CEP112: variants seen among roughly 807,000 people sequenced by gnomAD.
CEP112 encodes centrosomal protein 112, also known as centrosomal protein of 112 kDa.
A neutral mutation model predicts 153.0 loss-of-function variants in CEP112; 127 were observed. That is an observed-to-expected ratio of 0.83 (90% CI 0.72 to 0.96). The LOEUF (loss-of-function observed/expected upper bound fraction) is 0.96, where lower values mean the gene tolerates loss of function less well. Ranked by LOEUF, CEP112 falls within the 40% of genes least tolerant of loss-of-function variation. The pLI is 0.00. For synonymous variants in CEP112, 358 were observed against 374.4 expected (o/e 0.96, Z 0.51); for missense variants, 1,089 against 1,101.2 (o/e 0.99, Z 0.16).
chr17:65,843,668 G>T (rs1182635164), intron 21 of CEP112, among the ~76,000 whole-genome samples: 1 of 152,100 alleles, frequency 6.6e-6, no homozygotes, highest in Non-Finnish European at 1.5e-5. Flanking sequence ...GCCTTTTCAT[G>T]ATTTCAGGCT....
chr17:65,903,868 G>T (rs1381067755), intron 19 of CEP112, among the ~76,000 whole-genome samples: 1 of 152,042 alleles, frequency 6.6e-6, no homozygotes, highest in East Asian at 1.9e-4. Context: ...AAAAACACAT[G>T]ATTAACTCAA....
Position 65,991,384 on chromosome 17 carries a change from C to T in CEP112, c.1736+14306G>A, listed in dbSNP as rs74891490. On this transcript the variant is annotated intron_variant, in intron 17 of 26. Transcript: ENST00000535342. ...TCTGACATATTTTGGTTGAATGATA[C>T]GTTATAAATTGCATGTGTTCCTAAT... Among the ~76,000 whole-genome samples, 620 of 151,942 alleles carry T rather than the reference C, an allele frequency of 4.1e-3. 7 individuals carry two copies. Among genetic ancestry groups the T allele is most frequent in the East Asian group, 0.03 (155 of 5,180 alleles).
At chr17:65,655,325 C>T (rs879177750) in intron 24 of CEP112, 36 of 1,558,896 alleles carry the variant, frequency 2.3e-5, no homozygotes, top group South Asian at 7.8e-5. Context: ...CTGGATTTCT[C>T]GATGAAAATC....
chr17:66,034,715 A>G (rs2065636450), intron 12 of CEP112, among the ~76,000 whole-genome samples: 1 of 152,058 alleles, frequency 6.6e-6, no homozygotes, highest in Non-Finnish European at 1.5e-5. Context: ...GAAAAATGAT[A>G]GACATTGAAG....
At chr17:66,028,504 C>A in intron 14 of CEP112, 99 bp from the exon 15 acceptor site, 1 of 515,312 alleles carries the variant, frequency 1.9e-6, no homozygotes, top group Non-Finnish European at 3.4e-6. Context: ...CCCTGAAAGT[C>A]CAATCAGAAT....
chr17:65,889,946 T>C lies in CEP112; in HGVS notation c.2163+12206A>G, dbSNP rs140611526. ...TCTGCTTAAAATTCTGCAGTGACTT[T>C]CGATTGTTGACAGTTATGGTCTCTA... is the stretch of plus-strand genomic sequence containing the variant. On this transcript the variant is annotated intron_variant, in intron 20 of 26. Transcript: ENST00000535342. Among the ~76,000 whole-genome samples, 886 of 152,266 alleles carry C rather than the reference T, an allele frequency of 5.8e-3. 7 individuals are homozygous for C. The highest frequency in any genetic ancestry group is 0.02 in the African/African-American group (811 of 41,562).
chr17:66,049,899 TAAAG>T (rs1386838210), intron 12 of CEP112, among the ~76,000 whole-genome samples: 5 of 151,726 alleles, frequency 3.3e-5, no homozygotes, highest in African/African-American at 1.2e-4. Flanking sequence ...ATCATAGAAA[TAAAG>T]AATAGGAAGA....
chr17:65,784,646 A>C (rs1221076184), intron 21 of CEP112, among the ~76,000 whole-genome samples: 2 of 151,940 alleles, frequency 1.3e-5, no homozygotes, highest in East Asian at 1.9e-4. Context: ...ATGCCTGGCA[A>C]ATTTTTGTAT....
chr17:66,078,519 G>C (rs1287995109), intron 8 of CEP112, among the ~76,000 whole-genome samples: 1 of 152,046 alleles, frequency 6.6e-6, no homozygotes, highest in Non-Finnish European at 1.5e-5. Flanking sequence ...GCCTCCCAAA[G>C]TGCTGGGATT....
chr17:65,901,315 T>C (rs2059838083), intron 20 of CEP112, among the ~76,000 whole-genome samples: 1 of 152,214 alleles, frequency 6.6e-6, no homozygotes, highest in African/African-American at 2.4e-5. Context: ...AAGAACATTA[T>C]CTTTTTATTG....
intron 12 of CEP112, among the ~76,000 whole-genome samples, chr17:66,042,853 GTC>G (rs1301653507): frequency 6.6e-6 from 1 of 151,992 alleles, no homozygotes; most frequent in Non-Finnish European, 1.5e-5. Flanking sequence ...AAAAAAAAGT[GTC>G]TATTTTTAAA....
At chr17:66,113,000 T>C (rs546378853) in intron 6 of CEP112, among the ~76,000 whole-genome samples, 39 of 150,762 alleles carry the variant, frequency 2.6e-4, no homozygotes, top group Non-Finnish European at 4.0e-4. Context: ...ACCTGGGAGG[T>C]AGACGTTGCA....
intron 20 of CEP112, among the ~76,000 whole-genome samples, chr17:65,877,141 G>C (rs931745709): frequency 2.4e-4 from 37 of 152,300 alleles, no homozygotes; most frequent in African/African-American, 8.4e-4. Flanking sequence ...CCCTCTGTCT[G>C]ATTGCAGTCC....
chr17:65,706,474 G>C (rs1338108058), intron 23 of CEP112, among the ~76,000 whole-genome samples: 1 of 152,208 alleles, frequency 6.6e-6, no homozygotes, highest in Non-Finnish European at 1.5e-5. Flanking sequence ...GTGAAAAGGA[G>C]AGGGGCTTTT....
At chr17:65,884,200 A>G (rs147162715) in intron 20 of CEP112, among the ~76,000 whole-genome samples, 16 of 152,322 alleles carry the variant, frequency 1.1e-4, no homozygotes, top group Non-Finnish European at 2.4e-4. Context: ...CGTGAAACAG[A>G]GGAGCTAGTG....
intron 8 of CEP112, among the ~76,000 whole-genome samples, chr17:66,083,202 A>C (rs1395389652): frequency 6.6e-6 from 1 of 152,162 alleles, no homozygotes; most frequent in Admixed American, 6.5e-5. Flanking sequence ...TGCTGTTCTC[A>C]TGATAGTGAA....
chr17:65,911,706 G>A (rs140291631), intron 19 of CEP112, among the ~76,000 whole-genome samples: 37 of 152,088 alleles, frequency 2.4e-4, no homozygotes, highest in African/African-American at 5.1e-4. Flanking sequence ...AAATCTTTCC[G>A]TTTCCCTTGT....
chr17:65,943,784 G>A lies in CEP112; in HGVS notation c.1873-16095C>T, dbSNP rs191507142. ...CTTGTTGTGTTGGGTAAGTTCTCCC[G>A]GATGATATCCTGAAGTATGTTTTCC... is the stretch of plus-strand genomic sequence containing the variant. On this transcript the variant is annotated intron_variant, in intron 18 of 26. Coordinates refer to ENST00000535342, the MANE Select transcript of CEP112 (RefSeq NM_001199165.4). Among the ~76,000 whole-genome samples, 141 of 152,176 alleles carry A rather than the reference G, an allele frequency of 9.3e-4. 3 individuals are homozygous for A. The highest frequency in any genetic ancestry group is 6.0e-3 in the Admixed American group (91 of 15,290).
intron 4 of CEP112, among the ~76,000 whole-genome samples, chr17:66,166,196 TA>T (rs1305217757): frequency 6.6e-6 from 1 of 152,142 alleles, no homozygotes; most frequent in Admixed American, 6.5e-5. Flanking sequence ...AGGCTCCTAA[TA>T]AAATGGCACC....
Sources: gnomAD v4.1 joint callset for allele counts (sites outside exome capture counted in the v4.1 genomes callset) on GRCh38, gnomAD v4.1.1 for gene constraint, MANE v1.5 for transcripts, NCBI Gene and HGNC (gene_info 2026-07-23, HGNC 2026-07-21) for gene names.